Variants in DEPDC5 observed in about 807,000 individuals in gnomAD.
The protein encoded by DEPDC5 is DEP domain containing 5, GATOR1 subcomplex subunit, also known as GATOR1 complex protein DEPDC5.
A neutral mutation model predicts 217.3 loss-of-function variants in DEPDC5; 73 were observed. That is an observed-to-expected ratio of 0.34 (90% CI 0.28 to 0.41). The LOEUF (loss-of-function observed/expected upper bound fraction) is 0.41, where lower values mean the gene tolerates loss of function less well. Among genes scored for constraint, DEPDC5 ranks in the 10% least tolerant of loss-of-function variants. DEPDC5 has a pLI of 1.00. For missense variants in DEPDC5, 1,675 were observed against 2,070.1 expected, an observed-to-expected ratio of 0.81 and a Z score of 3.70; for synonymous variants, 733 against 756.7, an observed-to-expected ratio of 0.97 and a Z score of 0.51.
rs2092812922 is a variant in DEPDC5 at position 31,870,576 on chromosome 22, TA to T, written c.3331-11del. On this transcript the variant is annotated splice_polypyrimidine_tract_variant and intron_variant, in intron 33 of 42. Transcript: ENST00000651528. ...ATTTTTGGAATCAAGTATTCATTTT[TA>T]AATCTCCTGCAGGTATCTGTGGACC... 1 of 1,493,998 alleles carries T rather than the reference TA, an allele frequency of 6.7e-7. No homozygotes were observed. The highest frequency in any genetic ancestry group is 1.4e-5 in the African/African-American group (1 of 70,344). The allele number at this position is 1,493,998 out of a possible 1,614,324, so 92.5% of individuals were successfully genotyped here.
chr22:31,900,514 A>G (rs1296114997), intron 40 of DEPDC5, among the ~76,000 whole-genome samples: 3 of 150,036 alleles, frequency 2.0e-5, no homozygotes, highest in East Asian at 4.1e-4. Context: ...CGAGGCAGGC[A>G]GATCACCTGA....
chr22:31,891,602 T>G (rs953841137), intron 38 of DEPDC5, among the ~76,000 whole-genome samples: 37 of 152,190 alleles, frequency 2.4e-4, no homozygotes, highest in African/African-American at 8.4e-4. Context: ...TCTTTGTCAG[T>G]GAGAAAAACC....
At chr22:31,869,981 G>GA (rs2092797397) in intron 33 of DEPDC5, among the ~76,000 whole-genome samples, 1 of 152,204 alleles carries the variant, frequency 6.6e-6, no homozygotes, top group Non-Finnish European at 1.5e-5. Flanking sequence ...AGATGCATGT[G>GA]AATCTGCAGA....
chr22:31,758,723 C>G (rs190422646), intron 3 of DEPDC5, 90 bp downstream of exon 3: 48 of 1,273,566 alleles, frequency 3.8e-5, no homozygotes, highest in South Asian at 2.8e-4. Flanking sequence ...TTTCAAAATG[C>G]TCATGCTGTG....
At chr22:31,798,325 C>T (rs996636921) in intron 13 of DEPDC5, among the ~76,000 whole-genome samples, 1 of 152,132 alleles carries the variant, frequency 6.6e-6, no homozygotes, top group Non-Finnish European at 1.5e-5. Context: ...CAAGACCAGC[C>T]TGACCAATAT....
chr22:31,904,225 T>C (rs2093716254), intron 41 of DEPDC5, among the ~76,000 whole-genome samples: 1 of 152,182 alleles, frequency 6.6e-6, no homozygotes, highest in Non-Finnish European at 1.5e-5. Flanking sequence ...TTCATCTTCC[T>C]TGGGGCAGGT....
chr22:31,777,620 A>C (rs1044822963), intron 7 of DEPDC5, among the ~76,000 whole-genome samples: 6 of 152,062 alleles, frequency 3.9e-5, no homozygotes, highest in African/African-American at 1.4e-4. Flanking sequence ...GTTCATATTC[A>C]GTATAGTATG....
intron 40 of DEPDC5, 46 bp downstream of exon 40, chr22:31,897,699 C>A (rs373365726): frequency 1.9e-6 from 3 of 1,598,514 alleles, no homozygotes; most frequent in Non-Finnish European, 1.7e-6. Context: ...AGTAAGACCC[C>A]GTCCCTAACA....
intron 20 of DEPDC5, among the ~76,000 whole-genome samples, chr22:31,812,420 C>CTTTTT (rs57618137): frequency 2.2e-4 from 22 of 98,284 alleles, no homozygotes; most frequent in East Asian, 5.6e-4. Flanking sequence ...TTCCATATTT[C>CTTTTT]TTTTTTTTTT....
chr22:31,845,107 C>T lies in DEPDC5; in HGVS notation c.2891C>T (p.Ala964Val). ...TATKRITEGEAHCDIYGDRPR... is the reference protein window; with the variant it reads ...TATKRITEGEVHCDIYGDRPR... ...ACCAAGCGCATCACGGAGGGGGAGG[C>T]CCACTGCGACATCTATGGGGACAGG... The change falls in exon 30 of 43, where the codon GCC becomes GTC. Residue 964 changes from alanine to valine, a missense_variant. Physicochemically the swap from Ala to Val is moderately conservative, Grantham distance 64. Coordinates refer to ENST00000651528, the MANE Select transcript of DEPDC5 (RefSeq NM_001242896.3). 6.2e-7 allele frequency: 1 copy of T among 1,614,144 alleles called. No homozygotes were observed. Among genetic ancestry groups the T allele is most frequent in the Non-Finnish European group, 8.5e-7 (1 of 1,180,012 alleles).
intron 1 of DEPDC5, 85 bp from the exon 2 acceptor site, chr22:31,754,777 C>A: frequency 1.2e-6 from 1 of 834,892 alleles, no homozygotes; most frequent in Non-Finnish European, 1.9e-6. Context: ...AGAGGAACAC[C>A]AGTATCTTCA....
At chr22:31,859,424 C>T (rs368755667) in intron 32 of DEPDC5, among the ~76,000 whole-genome samples, 13 of 133,712 alleles carry the variant, frequency 9.7e-5, no homozygotes, top group African/African-American at 3.2e-4. Flanking sequence ...CTTGCTCTGT[C>T]ACCCAGGCTG....
chr22:31,891,766 A>G lies in DEPDC5; in HGVS notation c.4034-1816A>G, dbSNP rs570196332. On this transcript the variant is annotated intron_variant, in intron 38 of 42. Transcript: ENST00000651528. ...GTACATGTTCTCAGGATCTCTTAAG[A>G]CTGTGCCTCAGGGAGGCAAAAAACA... Among the ~76,000 whole-genome samples, 10 of 152,290 alleles carry G rather than the reference A, an allele frequency of 6.6e-5. No homozygotes were observed. The South Asian group carries it at 2.1e-3, about 32-fold the overall frequency.
chr22:31,814,881 ATTT>A, intron 20 of DEPDC5, 108 bp from the exon 21 acceptor site: 1 of 1,164,750 alleles, frequency 8.6e-7, no homozygotes, highest in South Asian at 1.4e-5. Context: ...CACACTGGGG[ATTT>A]TTGTTATTGG....
chr22:31,906,181 A>G lies in DEPDC5; in HGVS notation c.4520-24A>G. On this transcript the variant is annotated intron_variant, in intron 42 of 42. Transcript: ENST00000651528. This position sits in a 1 kb window ranked among gnomAD's most constrained non-coding sequence, Gnocchi z 5.1. ...CAGGAGCCCTCCTGGTGGCTGCCAC[A>G]CAGGCGCTCCCCTTTCTCTTCAGGA... 6.2e-7 allele frequency: 1 copy of G among 1,612,766 alleles called. No individual in the cohort carries two copies. Among genetic ancestry groups the G allele is most frequent in the Non-Finnish European group, 8.5e-7 (1 of 1,179,094 alleles).
chr22:31,798,021 A>G (rs1017507660), intron 13 of DEPDC5, among the ~76,000 whole-genome samples: 3 of 151,858 alleles, frequency 2.0e-5, no homozygotes, highest in Non-Finnish European at 4.4e-5. Context: ...CTGGGGCTCA[A>G]GCAATCCTCC....
chr22:31,846,407 T>G (rs778569187), intron 30 of DEPDC5, among the ~76,000 whole-genome samples: 1 of 152,184 alleles, frequency 6.6e-6, no homozygotes, highest in African/African-American at 2.4e-5. Context: ...AGCTGCCTTA[T>G]GTACACAACA....
At chr22:31,840,018 AT>A (rs1189867338) in intron 27 of DEPDC5, among the ~76,000 whole-genome samples, 2 of 152,218 alleles carry the variant, frequency 1.3e-5, no homozygotes, top group Non-Finnish European at 2.9e-5. Context: ...TCACACATTG[AT>A]TCTACAGTAT....
In DEPDC5 at chr22:31,838,807, TCCCGC is replaced by T; in HGVS notation, c.2481_2485del (p.Pro828AlafsTer4). 6.2e-7 allele frequency: 1 copy of T among 1,614,142 alleles called. No individual in the cohort carries two copies. ...AAGACACAGAAACCCAATCCTGCTG[TCCCGC>T]CCCCGCTGAGCAGTAGCCCACTCTA... On this transcript the variant is annotated frameshift_variant, in exon 27 of 43. Coordinates refer to ENST00000651528, the MANE Select transcript of DEPDC5 (RefSeq NM_001242896.3). LOFTEE classifies it high-confidence loss of function.
Sources: allele counts gnomAD v4.1 joint callset (sites outside exome capture counted in the v4.1 genomes callset), GRCh38; gene constraint gnomAD v4.1.1; non-coding constraint Gnocchi (gnomAD v3.1); transcripts MANE v1.5; gene names NCBI Gene and HGNC (gene_info 2026-07-23, HGNC 2026-07-21).